NWD1: variants seen among roughly 807,000 people sequenced by gnomAD.
NWD1 encodes NACHT and WD repeat domain containing 1, also known as NACHT domain- and WD repeat-containing protein 1.
Under a neutral mutation model 135.1 loss-of-function variants are expected in NWD1, and 129 were observed. That is an observed-to-expected ratio of 0.96 (90% CI 0.83 to 1.11). NWD1 has a LOEUF of 1.11. NWD1 is among the 50% of genes least tolerant of loss of function. The probability of loss-of-function intolerance (pLI) is 0.00; values close to 1 mark genes in which losing one functional copy is unlikely to be tolerated. For missense variants in NWD1, 1,740 were observed against 1,851.3 expected, an observed-to-expected ratio of 0.94 and a Z score of 1.10; for synonymous variants, 773 against 786.0, an observed-to-expected ratio of 0.98 and a Z score of 0.28.
chr19:16,817,814 C>T lies in NWD1; in HGVS notation c.*2775C>T, dbSNP rs1343407210. On this transcript the variant is annotated 3_prime_UTR_variant, in exon 19 of 19. Transcript: ENST00000524140. Reference sequence around the variant, plus strand: ...GCAGAAATAAAGTAGATGTTGAGACCAATTAAGATTTCACCTACAAATTCT... The same window carrying T: ...GCAGAAATAAAGTAGATGTTGAGACTAATTAAGATTTCACCTACAAATTCT... 6.6e-6 allele frequency: 1 copy of T among 152,062 alleles called. No individual in the cohort carries two copies. The highest frequency in any genetic ancestry group is 2.4e-5 in the African/African-American group (1 of 41,404). 9.4% of individuals were successfully genotyped at this position (152,062 alleles called of 1,614,324 possible). A position where few individuals can be genotyped will look rare whatever the true frequency, so the allele number is the denominator to read the frequency against.
chr19:16,743,591 A>G (rs1295052910), intron 4 of NWD1, among the ~76,000 whole-genome samples: 1 of 152,170 alleles, frequency 6.6e-6, no homozygotes, highest in Non-Finnish European at 1.5e-5. Context: ...ATCTTCTCAG[A>G]GTGCTGGTTG....
At chr19:16,804,737 T>G (rs900035887) in intron 17 of NWD1, among the ~76,000 whole-genome samples, 1 of 152,056 alleles carries the variant, frequency 6.6e-6, no homozygotes, top group Non-Finnish European at 1.5e-5. Context: ...CTGGTGAGTG[T>G]CCTCTTTCTG....
At chr19:16,727,607 G>C (rs796532520) in intron 2 of NWD1, 10 of 152,926 alleles carry the variant, frequency 6.5e-5, no homozygotes, top group African/African-American at 2.4e-4. Flanking sequence ...TCTGCGGGGT[G>C]AAGCCGGCCC....
chr19:16,813,179 G>A (rs1970976490), intron 18 of NWD1, among the ~76,000 whole-genome samples: 1 of 152,120 alleles, frequency 6.6e-6, no homozygotes, highest in South Asian at 2.1e-4. Context: ...TGGAGTTTGG[G>A]TGTCTGAGTT....
chr19:16,767,266 G>A (rs1056211003), intron 10 of NWD1, among the ~76,000 whole-genome samples: 12 of 134,242 alleles, frequency 8.9e-5, no homozygotes, highest in Non-Finnish European at 1.5e-4. Flanking sequence ...TGCAAGCTCC[G>A]CCTCCTGGGT....
In NWD1 at chr19:16,749,733, A is replaced by G; in HGVS notation, c.1091A>G (p.His364Arg). The change falls in exon 6 of 19, where the codon CAC becomes CGC. Residue 364 changes from histidine (H) to arginine (R), a missense_variant. Transcript: ENST00000524140. ...LAEQMPRLLG[H>R]KTVTVLRLLG... is the part of the protein sequence containing the mutation. Reference sequence around the variant, plus strand: ...GAGCAGATGCCAAGGCTGCTGGGGCACAAGACAGTGACCGTCCTGCGGCTG... The same window carrying G: ...GAGCAGATGCCAAGGCTGCTGGGGCGCAAGACAGTGACCGTCCTGCGGCTG... The G allele has an allele frequency of 6.2e-7, 1 of 1,606,866 alleles. No homozygotes were observed. The highest frequency in any genetic ancestry group is 8.5e-7 in the Non-Finnish European group (1 of 1,175,998).
At chr19:16,792,073 T>C (rs1970266814) in intron 14 of NWD1, among the ~76,000 whole-genome samples, 1 of 152,138 alleles carries the variant, frequency 6.6e-6, no homozygotes, top group South Asian at 2.1e-4. Flanking sequence ...GAAACATCTG[T>C]TGGCGTCTCT....
intron 6 of NWD1, among the ~76,000 whole-genome samples, chr19:16,757,621 C>G (rs1968847653): frequency 6.6e-6 from 1 of 152,156 alleles, no homozygotes; most frequent in African/African-American, 2.4e-5. Context: ...GGCGGGTCCT[C>G]TGGGAGTGCC....
At chr19:16,722,481 G>A (rs1047420317) in intron 1 of NWD1, among the ~76,000 whole-genome samples, 3 of 151,864 alleles carry the variant, frequency 2.0e-5, no homozygotes, top group Non-Finnish European at 4.4e-5. Context: ...TAGAGGCGGG[G>A]TTTCTCCATG....
At chr19:16,782,924 TCCTTCCTTCCTTC>T (rs1370750027) in intron 12 of NWD1, among the ~76,000 whole-genome samples, 1 of 110,390 alleles carries the variant, frequency 9.1e-6, no homozygotes, top group Non-Finnish European at 1.6e-5. Context: ...TTCCTTCCTT[TCCTTCCTTCCTTC>T]CCTTCCTTCC....
intron 7 of NWD1, among the ~76,000 whole-genome samples, chr19:16,761,695 C>T (rs996583438): frequency 4.0e-4 from 61 of 152,088 alleles, no homozygotes; most frequent in African/African-American, 1.4e-3. Flanking sequence ...CGGTATATAC[C>T]CAGGAGTGGA....
In NWD1 at chr19:16,790,378, G is replaced by A. The variant is rs796836357; in HGVS notation, c.2941-972G>A. On this transcript the variant is annotated intron_variant, in intron 13 of 18. Transcript: ENST00000524140. ...TATGTTACATAAGTAATTGGTGGTT[G>A]TTGACAGTAATATCAGTGCATATAA... Among the ~76,000 whole-genome samples the A allele has an allele frequency of 1.8e-4, 28 of 151,990 alleles. 1 individual carries two copies. The highest frequency in any genetic ancestry group is 6.8e-4 in the African/African-American group (28 of 41,454).
rs781164746 is a variant in NWD1, at chr19:16,749,965, C to T, written c.1323C>T (p.Asp441=). The T allele has an allele frequency of 1.9e-6, 3 of 1,613,728 alleles. No individual in the cohort carries two copies. Among genetic ancestry groups the T allele is most frequent in the South Asian group, 1.1e-5 (1 of 91,096 alleles). The change falls in exon 6 of 19, where the codon GAC becomes GAT. Residue 441 remains aspartate, a synonymous_variant. Coordinates refer to ENST00000524140, the MANE Select transcript of NWD1 (RefSeq NM_001007525.5). Reference sequence around the variant, plus strand: ...TGCTCCTGCTGGATGCTATGGATGACCTGGACTCTGTCCGCCATGCTCGGA... The same window carrying T: ...TGCTCCTGCTGGATGCTATGGATGATCTGGACTCTGTCCGCCATGCTCGGA... ...SLVLLLDAMD[D]LDSVRHARRV... is the part of the protein sequence containing the mutation.
chr19:16,792,040 A>T (rs1039882230), intron 14 of NWD1, among the ~76,000 whole-genome samples: 1 of 152,034 alleles, frequency 6.6e-6, no homozygotes, highest in African/African-American at 2.4e-5. Context: ...AATCGTAGGG[A>T]TTTGCAGTTC....
chr19:16,755,344 A>G (rs976447087), intron 6 of NWD1, among the ~76,000 whole-genome samples: 4 of 151,580 alleles, frequency 2.6e-5, no homozygotes, highest in African/African-American at 9.7e-5. Context: ...GCCCCCTCTG[A>G]GTAGCTGAGA....
intron 6 of NWD1, among the ~76,000 whole-genome samples, chr19:16,753,567 C>A (rs1434365938): frequency 2.6e-5 from 4 of 152,158 alleles, no homozygotes; most frequent in African/African-American, 9.7e-5. Flanking sequence ...GCCCCCCATC[C>A]CCCCACAGGG....
In NWD1 at chr19:16,744,454, A is replaced by G. The variant is rs812847; in HGVS notation, c.232A>G (p.Ile78Val). ...LIGDQYGPCLIPSRIDEKEWE... is the reference protein window; with the variant it reads ...LIGDQYGPCLVPSRIDEKEWE... Reference sequence around the variant, plus strand: ...CGGTGATCAGTACGGCCCCTGTCTGATTCCCTCGCGGATCGATGAGAAGGA... The same window carrying G: ...CGGTGATCAGTACGGCCCCTGTCTGGTTCCCTCGCGGATCGATGAGAAGGA... Residue 78 changes from isoleucine to valine, a missense_variant, in exon 5 of 19, where the codon ATT (isoleucine) becomes GTT (valine). By Grantham distance (29) the Ile-to-Val change is conservative. Coordinates refer to ENST00000524140, the MANE Select transcript of NWD1 (RefSeq NM_001007525.5). 0.49 allele frequency: 748,807 copies of G among 1,535,022 alleles called. 188,606 individuals are homozygous for G. Among genetic ancestry groups the G allele is most frequent in the African/African-American group, 0.79 (58,063 of 73,064 alleles).
At chr19:16,756,219 T>G (rs1237381046) in intron 6 of NWD1, among the ~76,000 whole-genome samples, 2 of 152,104 alleles carry the variant, frequency 1.3e-5, no homozygotes, top group African/African-American at 2.4e-5. Flanking sequence ...GCCATTGCAC[T>G]TGAGCCTGGG....
At chr19:16,778,844 G>A (rs1969755088) in intron 11 of NWD1, among the ~76,000 whole-genome samples, 1 of 152,148 alleles carries the variant, frequency 6.6e-6, no homozygotes, top group African/African-American at 2.4e-5. Flanking sequence ...CATGGCCAAT[G>A]TGATTTTGTT....
Sources: gnomAD v4.1 joint callset for allele counts (sites outside exome capture counted in the v4.1 genomes callset) on GRCh38, gnomAD v4.1.1 for gene constraint, MANE v1.5 for transcripts, NCBI Gene and HGNC (gene_info 2026-07-23, HGNC 2026-07-21) for gene names.